MCC: variants seen among roughly 807,000 people sequenced by gnomAD.
MCC encodes the protein colorectal mutant cancer protein.
Under a neutral mutation model 116.2 loss-of-function variants are expected in MCC, and 90 were observed. The ratio of observed to expected loss-of-function variants is 0.77; its 90% CI spans 0.65 to 0.92. The LOEUF is 0.92. Among genes scored for constraint, MCC ranks in the 40% least tolerant of loss-of-function variants. MCC has a pLI of 0.00. For missense variants in MCC, 1,516 were observed against 1,312.2 expected (o/e 1.16, Z -2.40); for synonymous variants, 578 against 510.5 (o/e 1.13, Z -1.78).
rs188268845 is a variant in MCC, at chr5:113,275,754, T to C, written c.627+64765A>G. Among the ~76,000 whole-genome samples the C allele has an allele frequency of 2.0e-5, 3 of 152,248 alleles. No individual in the cohort carries two copies. In the East Asian group the frequency reaches 5.8e-4, roughly 29 times the overall value. ...AAGTAACTAGAGATGATTTAAAGTA[T>C]ACAGGAGGATGCGCATAGCTTATAT... On this transcript the variant is annotated intron_variant, in intron 3 of 18. Transcript: ENST00000408903.
chr5:113,299,179 T>C (rs1433725543), intron 3 of MCC, among the ~76,000 whole-genome samples: 1 of 151,424 alleles, frequency 6.6e-6, no homozygotes, highest in Admixed American at 6.6e-5. Context: ...TCCCAGATAC[T>C]CAGGAGGCTG....
At chr5:113,469,320 A>G (rs1362273845) in intron 1 of MCC, among the ~76,000 whole-genome samples, 1 of 151,920 alleles carries the variant, frequency 6.6e-6, no homozygotes, top group Non-Finnish European at 1.5e-5. Flanking sequence ...GTGGGCGTTT[A>G]GTGCTAGAAA....
At chr5:113,361,042 C>T (rs1002797641) in intron 2 of MCC, among the ~76,000 whole-genome samples, 1 of 152,188 alleles carries the variant, frequency 6.6e-6, no homozygotes, top group African/African-American at 2.4e-5. Context: ...TGGGACAAGA[C>T]AATTTGTGGT....
chr5:113,269,125 C>T, intron 3 of MCC: 1 of 975,554 alleles, frequency 1.0e-6, no homozygotes, highest in Non-Finnish European at 1.2e-6. Flanking sequence ...GTCAGACCAG[C>T]CTTGCAACCT....
chr5:113,394,799 T>A (rs905877037), intron 1 of MCC, among the ~76,000 whole-genome samples: 1 of 152,254 alleles, frequency 6.6e-6, no homozygotes, highest in Non-Finnish European at 1.5e-5. Context: ...ATGACTGATT[T>A]ATTTTATCTC....
At chr5:113,276,803 TTA>T (rs890364350) in intron 3 of MCC, among the ~76,000 whole-genome samples, 2 of 137,666 alleles carry the variant, frequency 1.5e-5, no homozygotes, top group Non-Finnish European at 1.6e-5. Context: ...ATTTTTCTTC[TTA>T]TTTTTTTTTT....
intron 1 of MCC, among the ~76,000 whole-genome samples, chr5:113,427,715 C>T (rs1770521469): frequency 6.6e-6 from 1 of 152,136 alleles, no homozygotes; most frequent in Admixed American, 6.5e-5. Context: ...TAACACTACA[C>T]AAATATGTTT....
At chr5:113,407,226 C>T (rs1769859398) in intron 1 of MCC, among the ~76,000 whole-genome samples, 1 of 152,144 alleles carries the variant, frequency 6.6e-6, no homozygotes, top group African/African-American at 2.4e-5. Flanking sequence ...AGCTATAAAG[C>T]AGTTGAGCTG....
intron 16 of MCC, among the ~76,000 whole-genome samples, chr5:113,045,224 C>T (rs1489352329): frequency 6.6e-6 from 1 of 152,156 alleles, no homozygotes; most frequent in East Asian, 1.9e-4. Context: ...TTGGCAGTAT[C>T]TGGTGCACAC....
chr5:113,377,110 AT>A (rs1191874272), intron 2 of MCC, among the ~76,000 whole-genome samples: 18 of 152,146 alleles, frequency 1.2e-4, no homozygotes, highest in Admixed American at 1.1e-3. Context: ...ATGACATTTG[AT>A]CCTTTGAATC....
At chr5:113,276,805 A>T (rs940552032) in intron 3 of MCC, among the ~76,000 whole-genome samples, 64 of 129,080 alleles carry the variant, frequency 5.0e-4, no homozygotes, top group South Asian at 1.5e-3. Flanking sequence ...TTTTCTTCTT[A>T]TTTTTTTTTT....
chr5:113,328,330 C>T (rs1218438193), intron 3 of MCC, among the ~76,000 whole-genome samples: 2 of 152,182 alleles, frequency 1.3e-5, no homozygotes, highest in Non-Finnish European at 2.9e-5. Context: ...ATTCCTTCTG[C>T]CTGCTTCTGT....
chr5:113,181,409 G>C (rs1444411177), intron 3 of MCC, among the ~76,000 whole-genome samples: 3 of 152,216 alleles, frequency 2.0e-5, no homozygotes, highest in African/African-American at 7.2e-5. Flanking sequence ...TATAATCATA[G>C]AGGTAAATAT....
At chr5:113,484,459 C>T (rs1772459696) in intron 1 of MCC, among the ~76,000 whole-genome samples, 2 of 152,082 alleles carry the variant, frequency 1.3e-5, no homozygotes, top group African/African-American at 4.8e-5. Flanking sequence ...ACTGAGTACA[C>T]TGTTTTTGAG....
At chr5:113,104,591 C>A in intron 6 of MCC, 1 of 382,218 alleles carries the variant, frequency 2.6e-6, no homozygotes, top group Non-Finnish European at 4.7e-6. Context: ...GTCTTTCACT[C>A]AAAGCAGCCA....
At chr5:113,187,043 C>T (rs1581222264) in intron 3 of MCC, among the ~76,000 whole-genome samples, 1 of 152,292 alleles carries the variant, frequency 6.6e-6, no homozygotes, top group Non-Finnish European at 1.5e-5. Flanking sequence ...GAAGTGCTGG[C>T]CTATAAGATA....
chr5:113,464,567 T>G (rs1220060245), intron 1 of MCC, among the ~76,000 whole-genome samples: 8 of 151,710 alleles, frequency 5.3e-5, no homozygotes, highest in African/African-American at 1.7e-4. Context: ...TTCCCTTCCC[T>G]GCCTTTATTT....
intron 1 of MCC, among the ~76,000 whole-genome samples, chr5:113,429,083 C>T (rs145074008): frequency 3.0e-4 from 46 of 152,276 alleles, no homozygotes; most frequent in African/African-American, 1.0e-3. Context: ...AAAAACTTTA[C>T]ATATACTCTT....
chr5:113,168,691 A>T (rs1381044558), intron 3 of MCC, among the ~76,000 whole-genome samples: 1 of 152,128 alleles, frequency 6.6e-6, no homozygotes. Context: ...GGCCAAAGCA[A>T]CTGTGCTTTT....
Sources: allele counts gnomAD v4.1 joint callset (sites outside exome capture counted in the v4.1 genomes callset), GRCh38; gene constraint gnomAD v4.1.1; transcripts MANE v1.5; gene names NCBI Gene and HGNC (gene_info 2026-07-23, HGNC 2026-07-21).